SNX29: variants seen among roughly 807,000 people sequenced by gnomAD.
SNX29 encodes sorting nexin-29.
Under a neutral mutation model 102.1 loss-of-function variants are expected in SNX29, and 78 were observed. That is an observed-to-expected ratio of 0.76 (90% CI 0.64 to 0.92). SNX29 has a LOEUF of 0.92. Ranked by LOEUF, SNX29 falls within the 40% of genes least tolerant of loss-of-function variation. The pLI is 0.00. For synonymous variants in SNX29, 580 were observed against 414.5 expected (o/e 1.40, Z -4.85); for missense variants, 1,280 against 1,061.7 (o/e 1.21, Z -2.86).
At chr16:12,121,171 G>T (rs1318373905) in intron 11 of SNX29, among the ~76,000 whole-genome samples, 3 of 152,360 alleles carry the variant, frequency 2.0e-5, no homozygotes, top group African/African-American at 7.2e-5. Context: ...ACAGGCTTGG[G>T]GGTGGGGCTT....
chr16:12,561,407 G>GA (rs1391813775), intron 20 of SNX29, among the ~76,000 whole-genome samples: 2 of 152,166 alleles, frequency 1.3e-5, no homozygotes, highest in Non-Finnish European at 2.9e-5. Context: ...CACACACACA[G>GA]ATCAGTCCTA....
intron 7 of SNX29, 31 bp downstream of exon 7, chr16:12,048,651 A>C: frequency 6.2e-7 from 1 of 1,613,956 alleles, no homozygotes; most frequent in Non-Finnish European, 8.5e-7. Flanking sequence ...GAGGCGGAGC[A>C]GAGGGAATCA....
rs905836567 is a variant in SNX29, at chr16:12,431,462, G to GT, written c.2037+27941dup. Among the ~76,000 whole-genome samples, 68 of 98,792 alleles carry GT rather than the reference G, an allele frequency of 6.9e-4. 1 individual carries two copies. In the East Asian group the frequency reaches 0.013, roughly 19 times the overall value. 64.8% of individuals were successfully genotyped at this position (98,792 alleles called of 152,430 possible). A position where few individuals can be genotyped will look rare whatever the true frequency, so the allele number is the denominator to read the frequency against. On this transcript the variant is annotated intron_variant, in intron 18 of 20. Coordinates refer to ENST00000566228, the MANE Select transcript of SNX29 (RefSeq NM_032167.5). Reference sequence around the variant, plus strand: ...TTTTTTTTTTTGTTTTTGTTTTTTTGTTTTTTTTGCATTGAAGTTATTGAT... The same window carrying GT: ...TTTTTTTTTTTGTTTTTGTTTTTTTGTTTTTTTTTGCATTGAAGTTATTGAT...
chr16:12,328,898 G>T (rs573915297), intron 15 of SNX29, among the ~76,000 whole-genome samples: 1 of 151,994 alleles, frequency 6.6e-6, no homozygotes, highest in Non-Finnish European at 1.5e-5. Flanking sequence ...ATGTGATGTC[G>T]GGACACTGTC....
chr16:12,103,042 G>C (rs2141211903), intron 11 of SNX29, among the ~76,000 whole-genome samples: 1 of 152,222 alleles, frequency 6.6e-6, no homozygotes, highest in Non-Finnish European at 1.5e-5. Flanking sequence ...CACTGCTCAA[G>C]GAAATAAGAG....
At chr16:12,059,706 C>T (rs919963376) in intron 8 of SNX29, among the ~76,000 whole-genome samples, 2 of 152,196 alleles carry the variant, frequency 1.3e-5, no homozygotes, top group African/African-American at 4.8e-5. Context: ...TATTAAGAGA[C>T]ACCAAGAAAG....
intron 17 of SNX29, among the ~76,000 whole-genome samples, chr16:12,399,869 G>T (rs2083873395): frequency 1.3e-5 from 2 of 152,236 alleles, no homozygotes; most frequent in Non-Finnish European, 2.9e-5. Context: ...TCCTGGAACG[G>T]CAGAGTCCGG....
intron 11 of SNX29, among the ~76,000 whole-genome samples, chr16:12,125,913 C>G (rs1241081977): frequency 6.6e-6 from 1 of 152,102 alleles, no homozygotes; most frequent in Admixed American, 6.5e-5. Context: ...CCCCCTTCTC[C>G]CATGCCTGCA....
chr16:12,326,928 G>A (rs2081138305), intron 15 of SNX29, among the ~76,000 whole-genome samples: 1 of 152,168 alleles, frequency 6.6e-6, no homozygotes, highest in Non-Finnish European at 1.5e-5. Context: ...GGGAAAGACT[G>A]GATTAGGAAT....
At chr16:12,155,908 C>T (rs1395763271) in intron 13 of SNX29, among the ~76,000 whole-genome samples, 1 of 152,194 alleles carries the variant, frequency 6.6e-6, no homozygotes, top group Non-Finnish European at 1.5e-5. Context: ...CCTGCAGTGG[C>T]TCCCCACTTC....
chr16:12,315,510 A>G (rs1374652438), intron 15 of SNX29, among the ~76,000 whole-genome samples: 2 of 152,176 alleles, frequency 1.3e-5, no homozygotes, highest in East Asian at 1.9e-4. Flanking sequence ...GTGTGAATGT[A>G]TATGGAGATA....
intron 13 of SNX29, among the ~76,000 whole-genome samples, chr16:12,130,007 G>C (rs992714985): frequency 6.6e-6 from 1 of 151,800 alleles, no homozygotes; most frequent in African/African-American, 2.4e-5. Flanking sequence ...GGGAGGCTGA[G>C]GCAGGAGAAT....
chr16:12,465,477 C>G (rs1054782873), intron 18 of SNX29, among the ~76,000 whole-genome samples: 2 of 151,782 alleles, frequency 1.3e-5, no homozygotes, highest in Admixed American at 6.6e-5. Context: ...AGTCTTTTCC[C>G]CATTGTGTTT....
At position 12,450,963 on chromosome 16, in the gene SNX29, C is replaced by G. The variant is rs181499510; in HGVS notation, c.2038-26756C>G. ...CCAGTAAGCAAACCGAGATGAGCTC[C>G]ACCAAGCAGTTGAGTCAGGGACCCA... On this transcript the variant is annotated intron_variant, in intron 18 of 20. Coordinates refer to ENST00000566228, the MANE Select transcript of SNX29 (RefSeq NM_032167.5). Among the ~76,000 whole-genome samples the G allele has an allele frequency of 3.8e-4, 58 of 152,204 alleles. 2 individuals are homozygous for G. The East Asian group carries it at 0.01, about 26-fold the overall frequency.
chr16:12,339,070 T>C (rs1444150096), intron 15 of SNX29, among the ~76,000 whole-genome samples: 2 of 152,032 alleles, frequency 1.3e-5, no homozygotes, highest in Non-Finnish European at 2.9e-5. Flanking sequence ...ATCATGACTG[T>C]TTCATAATAA....
intron 20 of SNX29, chr16:12,527,089 C>T: frequency 2.2e-6 from 1 of 445,310 alleles, no homozygotes. Flanking sequence ...TGAAATTAAA[C>T]AGCTCTTTTA....
At chr16:12,398,575 C>T in intron 17 of SNX29, 74 bp downstream of exon 17, 7 of 1,531,938 alleles carry the variant, frequency 4.6e-6, no homozygotes, top group Non-Finnish European at 6.3e-6. Context: ...TCCCAGAAGA[C>T]CACAGGGGGA....
At chr16:12,529,580 A>AAGTT (rs1190312141) in intron 20 of SNX29, among the ~76,000 whole-genome samples, 1 of 152,158 alleles carries the variant, frequency 6.6e-6, no homozygotes, top group Non-Finnish European at 1.5e-5. Flanking sequence ...AGGAGAGAGA[A>AAGTT]AGTTAGGGGG....
chr16:12,158,806 G>C (rs1466485428), intron 13 of SNX29, among the ~76,000 whole-genome samples: 1 of 152,214 alleles, frequency 6.6e-6, no homozygotes, highest in Non-Finnish European at 1.5e-5. Flanking sequence ...ATGCGGATAT[G>C]GGGATTGAGT....
Sources: allele counts gnomAD v4.1 joint callset (sites outside exome capture counted in the v4.1 genomes callset), GRCh38; gene constraint gnomAD v4.1.1; transcripts MANE v1.5; gene names NCBI Gene and HGNC (gene_info 2026-07-23, HGNC 2026-07-21).